Variants in SH3D19 observed in about 807,000 individuals in gnomAD.
The protein encoded by SH3D19 is SH3 domain-containing protein 19.
A neutral mutation model predicts 112.1 loss-of-function variants in SH3D19; 58 were observed. The observed-to-expected ratio is 0.52, with a 90% CI of 0.42 to 0.64. The LOEUF (loss-of-function observed/expected upper bound fraction) is 0.64, where lower values mean the gene tolerates loss of function less well. Ranked by LOEUF, SH3D19 falls within the 30% of genes least tolerant of loss-of-function variation. The pLI, the probability that SH3D19 is intolerant of heterozygous loss-of-function variation, is 0.00. For missense variants in SH3D19, 1,090 were observed against 1,263.4 expected (o/e 0.86, Z 2.08); for synonymous variants, 391 against 448.5 (o/e 0.87, Z 1.62).
At chr4:151,313,714 C>G (rs376793824) in intron 1 of SH3D19, among the ~76,000 whole-genome samples, 2 of 152,302 alleles carry the variant, frequency 1.3e-5, no homozygotes. Flanking sequence ...GCAATAGTTA[C>G]ACTTTCACTG....
At chr4:151,168,058 G>T (rs1162093086) in intron 7 of SH3D19, among the ~76,000 whole-genome samples, 2 of 152,228 alleles carry the variant, frequency 1.3e-5, no homozygotes, top group African/African-American at 2.4e-5. Flanking sequence ...TTTAGGTGCT[G>T]GGAATATAGC....
At chr4:151,125,661 G>A (rs765494238) in intron 19 of SH3D19, among the ~76,000 whole-genome samples, 33 of 151,662 alleles carry the variant, frequency 2.2e-4, no homozygotes, top group Non-Finnish European at 4.4e-4. Context: ...ATTCCAGCCT[G>A]GCCAGTATGG....
At chr4:151,316,328 G>A (rs145432179) in intron 1 of SH3D19, among the ~76,000 whole-genome samples, 2 of 152,248 alleles carry the variant, frequency 1.3e-5, no homozygotes, top group African/African-American at 4.8e-5. Context: ...GGAGCCTCAG[G>A]AGATATGACA....
At chr4:151,306,777 C>T (rs1240978692) in intron 1 of SH3D19, among the ~76,000 whole-genome samples, 2 of 152,194 alleles carry the variant, frequency 1.3e-5, no homozygotes, top group African/African-American at 4.8e-5. Flanking sequence ...ACTAAATGTT[C>T]AGTGTCACTG....
chr4:151,284,230 T>C lies in SH3D19; in HGVS notation c.112+41011A>G, dbSNP rs147218867. Among the ~76,000 whole-genome samples the C allele has an allele frequency of 6.8e-3, 1,035 of 152,370 alleles. 14 individuals are homozygous for C. Among genetic ancestry groups the C allele is most frequent in the African/African-American group, 0.023 (971 of 41,598 alleles). On this transcript the variant is annotated intron_variant, in intron 1 of 19. Coordinates refer to ENST00000604030, the MANE Select transcript of SH3D19 (RefSeq NM_001378122.1). ...CATAAACTTGTTAAGTTATACCTTT[T>C]GGTATTTTCACACAAGTCCATTTTA...
intron 1 of SH3D19, among the ~76,000 whole-genome samples, chr4:151,257,079 A>ATTTG (rs543402242): frequency 7.1e-6 from 1 of 141,262 alleles, no homozygotes; most frequent in East Asian, 2.3e-4. Flanking sequence ...TTATTTATTT[A>ATTTG]TTTGTTTGTT....
At chr4:151,157,566 T>C (rs1302183117) in intron 9 of SH3D19, among the ~76,000 whole-genome samples, 1 of 152,184 alleles carries the variant, frequency 6.6e-6, no homozygotes, top group African/African-American at 2.4e-5. Context: ...AACTACCATA[T>C]GATCCAGCAA....
intron 1 of SH3D19, among the ~76,000 whole-genome samples, chr4:151,306,537 T>G: frequency 6.6e-6 from 1 of 152,102 alleles, no homozygotes; most frequent in Non-Finnish European, 1.5e-5. Context: ...AGCTGGAGAC[T>G]CAACTAAAAC....
chr4:151,307,364 T>C (rs1268531358), intron 1 of SH3D19, among the ~76,000 whole-genome samples: 1 of 152,210 alleles, frequency 6.6e-6, no homozygotes, highest in East Asian at 1.9e-4. Flanking sequence ...CCTTCTTACC[T>C]GAACAACATG....
Position 151,234,747 on chromosome 4 carries a change from T to G in SH3D19, c.113-8661A>C, listed in dbSNP as rs1402087069. ...TTTCCAAGTTTGTGTTTTTTTTTTT[T>G]TTTTTTTTTTTTTTTTTTTAGACAG... On this transcript the variant is annotated intron_variant, in intron 1 of 19. Transcript: ENST00000604030. 8.8e-5 allele frequency among the ~76,000 whole-genome samples: 11 copies of G among 125,154 alleles called. No individual in the cohort carries two copies. The East Asian group carries it at 1.1e-3, about 13-fold the overall frequency. 82.1% of individuals were successfully genotyped at this position (125,154 alleles called of 152,430 possible).
At chr4:151,135,754 G>A (rs1751710849) in intron 14 of SH3D19, among the ~76,000 whole-genome samples, 1 of 152,090 alleles carries the variant, frequency 6.6e-6, no homozygotes, top group East Asian at 1.9e-4. Context: ...TTTCCAGGTT[G>A]AAAACTGCAG....
chr4:151,174,558 C>T (rs1045995778), intron 7 of SH3D19, 112 bp downstream of exon 7: 2 of 951,294 alleles, frequency 2.1e-6, no homozygotes, highest in African/African-American at 1.6e-5. Flanking sequence ...TGTGCACATA[C>T]TTGTATACAC....
chr4:151,128,111 G>A (rs1360326126), intron 18 of SH3D19, 59 bp downstream of exon 18: 3 of 1,412,106 alleles, frequency 2.1e-6, no homozygotes, highest in Non-Finnish European at 2.9e-6. Context: ...AATGTATATA[G>A]TTTTGAAGGT....
intron 1 of SH3D19, among the ~76,000 whole-genome samples, chr4:151,294,814 A>T (rs1775588320): frequency 6.6e-6 from 1 of 152,230 alleles, no homozygotes; most frequent in East Asian, 1.9e-4. Context: ...TGTCATGTAC[A>T]AGAAAGCCTG....
chr4:151,153,311 G>T (rs1370362922), intron 9 of SH3D19, among the ~76,000 whole-genome samples: 2 of 151,862 alleles, frequency 1.3e-5, no homozygotes, highest in East Asian at 3.9e-4. Context: ...ACAGTGGCGC[G>T]ATCTCGGCTC....
At chr4:151,247,461 TAC>T (rs945303822) in intron 1 of SH3D19, among the ~76,000 whole-genome samples, 5 of 152,350 alleles carry the variant, frequency 3.3e-5, no homozygotes, top group African/African-American at 1.2e-4. Flanking sequence ...TGGAGTCAGA[TAC>T]AGTCATATAT....
chr4:151,324,996 C>T (rs922775265), intron 1 of SH3D19, among the ~76,000 whole-genome samples: 1 of 152,108 alleles, frequency 6.6e-6, no homozygotes, highest in Non-Finnish European at 1.5e-5. Flanking sequence ...TTAGTGTGCA[C>T]GGAAAATTTG....
chr4:151,267,186 T>A (rs1250450103), intron 1 of SH3D19, among the ~76,000 whole-genome samples: 1 of 142,302 alleles, frequency 7.0e-6, no homozygotes, highest in Non-Finnish European at 1.6e-5. Flanking sequence ...ATAAAATAAA[T>A]TAGTCTAGCA....
At chr4:151,279,923 G>C (rs759970528) in intron 1 of SH3D19, 1 of 1,613,638 alleles carries the variant, frequency 6.2e-7, no homozygotes, top group South Asian at 1.1e-5. Context: ...TCGTCAGTGA[G>C]AGGTTGATAC....
Sources: allele counts gnomAD v4.1 joint callset (sites outside exome capture counted in the v4.1 genomes callset), GRCh38; gene constraint gnomAD v4.1.1; transcripts MANE v1.5; gene names NCBI Gene and HGNC (gene_info 2026-07-23, HGNC 2026-07-21).